The following ZNF469 variants were observed in gnomAD, a reference collection of about 807,000 sequenced individuals.
ZNF469 encodes zinc finger protein 469.
A neutral mutation model predicts 1.0 loss-of-function variants in ZNF469; 1 was observed. That is an observed-to-expected ratio of 1.00 (90% CI 0.35 to 4.73). The LOEUF (loss-of-function observed/expected upper bound fraction) is 4.73. ZNF469 is among the 30% of genes most tolerant of loss of function. The pLI is 0.16. For missense variants in ZNF469, 6,100 were observed against 5,356.3 expected (o/e 1.14, Z -4.33); for synonymous variants, 2,703 against 2,363.4 (o/e 1.14, Z -4.17).
At chr16:88,273,560 T>C in the ZNF469 span, among the ~76,000 whole-genome samples, 9 of 152,206 alleles carry the variant, frequency 5.9e-5, no homozygotes, top group African/African-American at 2.2e-4. Flanking sequence ...GGTGGGAATG[T>C]AAATGGCACC....
At chr16:88,241,060 C>G in the ZNF469 span, among the ~76,000 whole-genome samples, 1 of 152,166 alleles carries the variant, frequency 6.6e-6, no homozygotes, top group Non-Finnish European at 1.5e-5. This position sits in a 1 kb window ranked among gnomAD's most constrained non-coding sequence, Gnocchi z 4.8. Flanking sequence ...GGTCACGGAG[C>G]AGCATGGGTT....
At chr16:88,169,280 G>A in the ZNF469 span, among the ~76,000 whole-genome samples, 1 of 152,194 alleles carries the variant, frequency 6.6e-6, no homozygotes, top group African/African-American at 2.4e-5. The surrounding 1 kb of genome is among the most constrained non-coding windows in gnomAD (Gnocchi z 6.1). Context: ...ACTTTCAATT[G>A]CTGCTCTCTG....
chr16:88,271,968 G>A, the ZNF469 span, among the ~76,000 whole-genome samples: 14 of 152,240 alleles, frequency 9.2e-5, no homozygotes, highest in African/African-American at 3.4e-4. Context: ...AAATGGGTAG[G>A]TGAATGGATA....
the ZNF469 span, among the ~76,000 whole-genome samples, chr16:88,320,518 G>A: frequency 5.3e-5 from 8 of 152,156 alleles, no homozygotes; most frequent in East Asian, 1.9e-4. Flanking sequence ...AGAGTAGCCC[G>A]GATTACAGGC....
the ZNF469 span, among the ~76,000 whole-genome samples, chr16:88,249,205 T>A: frequency 6.3e-5 from 9 of 143,358 alleles, no homozygotes; most frequent in African/African-American, 2.1e-4. Flanking sequence ...ATGCCGTCAA[T>A]ACCCACAGCC....
chr16:88,415,340 C>G (rs933776547), intron 1 of ZNF469, among the ~76,000 whole-genome samples: 1 of 152,180 alleles, frequency 6.6e-6, no homozygotes, highest in Admixed American at 6.5e-5. Flanking sequence ...CCACCCTGCC[C>G]CACAACCTCA....
the ZNF469 span, among the ~76,000 whole-genome samples, chr16:88,293,942 G>A: frequency 5.3e-5 from 8 of 152,138 alleles, no homozygotes; most frequent in African/African-American, 1.7e-4. Context: ...TGGAGGGAAC[G>A]GTGTGAAGAC....
At chr16:88,138,701 C>T in the ZNF469 span, among the ~76,000 whole-genome samples, 1 of 152,210 alleles carries the variant, frequency 6.6e-6, no homozygotes, top group African/African-American at 2.4e-5. Flanking sequence ...TTCCTGATTT[C>T]AGTAAACTAG....
chr16:88,269,335 C>G, the ZNF469 span, among the ~76,000 whole-genome samples: 21 of 152,116 alleles, frequency 1.4e-4, no homozygotes, highest in African/African-American at 5.1e-4. Flanking sequence ...GGGCCTATGA[C>G]AGGTGGGTGC....
the ZNF469 span, among the ~76,000 whole-genome samples, chr16:88,343,636 G>A: frequency 1.3e-5 from 2 of 152,138 alleles, no homozygotes; most frequent in African/African-American, 4.8e-5. Context: ...TGCAGCATCT[G>A]AGGCAGCACA....
At chr16:88,366,281 TCAC>T in the ZNF469 span, among the ~76,000 whole-genome samples, 3 of 149,482 alleles carry the variant, frequency 2.0e-5, no homozygotes, top group East Asian at 4.0e-4. Context: ...ATCATTACCT[TCAC>T]CACCACCACC....
chr16:88,323,487 A>G, the ZNF469 span, among the ~76,000 whole-genome samples: 43 of 152,226 alleles, frequency 2.8e-4, no homozygotes, highest in Non-Finnish European at 5.1e-4. Context: ...CAAAGGCCCC[A>G]GGACAGGCCC....
At chr16:88,165,929 A>G in the ZNF469 span, among the ~76,000 whole-genome samples, 4 of 152,272 alleles carry the variant, frequency 2.6e-5, no homozygotes, top group East Asian at 7.7e-4. Flanking sequence ...ACTCATCCAC[A>G]TGGGGTGTGT....
chr16:88,102,060 C>T, the ZNF469 span, among the ~76,000 whole-genome samples: 177 of 139,352 alleles, frequency 1.3e-3, no homozygotes, highest in African/African-American at 4.3e-3. Context: ...TTCACCCCCC[C>T]ACCCCCGCCC....
the ZNF469 span, among the ~76,000 whole-genome samples, chr16:88,273,917 G>T: frequency 6.6e-6 from 1 of 150,460 alleles, no homozygotes; most frequent in African/African-American, 2.4e-5. Context: ...CCATTCTCCT[G>T]CCTCAGCCTC....
At chr16:88,274,541 G>A in the ZNF469 span, among the ~76,000 whole-genome samples, 1 of 152,248 alleles carries the variant, frequency 6.6e-6, no homozygotes, top group South Asian at 2.1e-4. Context: ...TCTGCCTTCA[G>A]AAGACAGGCT....
the ZNF469 span, among the ~76,000 whole-genome samples, chr16:88,324,022 G>A: frequency 9.2e-3 from 1,408 of 152,298 alleles, 26 homozygotes; most frequent in African/African-American, 0.032. Flanking sequence ...CAGGGCCTGC[G>A]GGCAGCAGCT....
Position 88,428,850 on chromosome 16 carries a change from G to C in ZNF469, c.1380G>C (p.Arg460Ser), listed in dbSNP as rs1329956252. 6.5e-7 allele frequency: 1 copy of C among 1,548,558 alleles called. No homozygotes were observed. The highest frequency in any genetic ancestry group is 1.2e-5 in the South Asian group (1 of 84,038). The change falls in exon 3 of 3, where the codon AGG becomes AGC. Residue 460 changes from arginine (R) to serine (S), a missense_variant. Physicochemically the swap from Arg to Ser is moderately radical, Grantham distance 110 (BLOSUM62 -1). Coordinates refer to ENST00000565624, the MANE Select transcript of ZNF469 (RefSeq NM_001367624.2). The part of the protein sequence containing the change: ...TPPGGPLAAT[R>S]SMFFNGQPSP... ...CTGGGGGCCCCCTGGCTGCCACCAG[G>C]AGTATGTTCTTTAACGGCCAGCCCA...
chr16:88,119,772 GT>G, the ZNF469 span, among the ~76,000 whole-genome samples: 18 of 152,216 alleles, frequency 1.2e-4, no homozygotes, highest in Non-Finnish European at 2.2e-4. Flanking sequence ...GACTGATAAG[GT>G]TTTGCCCAGC....
Sources: gnomAD v4.1 joint callset for allele counts (sites outside exome capture counted in the v4.1 genomes callset) on GRCh38, gnomAD v4.1.1 for gene constraint, Gnocchi (gnomAD v3.1) non-coding constraint, MANE v1.5 for transcripts, NCBI Gene and HGNC (gene_info 2026-07-23, HGNC 2026-07-21) for gene names.